PMS1: variants seen among roughly 807,000 people sequenced by gnomAD.
The protein encoded by PMS1 is PMS1 protein homolog 1.
In PMS1, 79 loss-of-function variants were observed where a neutral mutation model predicts 93.1. The observed-to-expected ratio is 0.85, with a 90% CI of 0.71 to 1.02. The LOEUF (loss-of-function observed/expected upper bound fraction) is 1.02, where lower values mean the gene tolerates loss of function less well. Ranked by LOEUF, PMS1 falls within the 50% of genes least tolerant of loss-of-function variation. The pLI is 0.00. For synonymous variants in PMS1, 335 were observed against 363.4 expected, an observed-to-expected ratio of 0.92 and a Z score of 0.89; for missense variants, 1,064 against 1,085.3, an observed-to-expected ratio of 0.98 and a Z score of 0.28.
intron 7 of PMS1, 109 bp downstream of exon 7, chr2:189,852,886 C>A (rs2106451873): frequency 1.3e-6 from 1 of 743,200 alleles, no homozygotes; most frequent in Non-Finnish European, 2.3e-6. Flanking sequence ...AATACAATGT[C>A]ATTTATTAAA....
intron 2 of PMS1, among the ~76,000 whole-genome samples, chr2:189,792,440 A>G (rs1360035497): frequency 3.3e-5 from 5 of 151,874 alleles, no homozygotes; most frequent in East Asian, 3.8e-4. Flanking sequence ...GATATGGTCT[A>G]TTTTATTCAT....
At chr2:189,827,875 T>C (rs1396880402) in intron 5 of PMS1, among the ~76,000 whole-genome samples, 1 of 152,052 alleles carries the variant, frequency 6.6e-6, no homozygotes, top group Non-Finnish European at 1.5e-5. Flanking sequence ...CTGGAGGGGT[T>C]GGTCCATGGG....
intron 9 of PMS1, among the ~76,000 whole-genome samples, chr2:189,856,398 T>C (rs1203321557): frequency 1.3e-5 from 2 of 152,120 alleles, no homozygotes; most frequent in African/African-American, 2.4e-5. Flanking sequence ...AAGATATTCA[T>C]ATTTTAAACA....
chr2:189,868,680 T>C (rs1249025559), intron 11 of PMS1, among the ~76,000 whole-genome samples: 1 of 152,034 alleles, frequency 6.6e-6, no homozygotes, highest in East Asian at 1.9e-4. Context: ...TCGACCAAAA[T>C]AGTGTTTGAA....
chr2:189,794,648 G>A (rs185194812), intron 2 of PMS1, among the ~76,000 whole-genome samples: 281 of 152,304 alleles, frequency 1.8e-3, no homozygotes, highest in African/African-American at 6.3e-3. Flanking sequence ...ACTTTGTGGA[G>A]TAAAGTCAGA....
chr2:189,852,511 CATG>C, intron 6 of PMS1, 141 bp from the exon 7 acceptor site: 1 of 707,298 alleles, frequency 1.4e-6, no homozygotes, highest in Non-Finnish European at 2.5e-6. Flanking sequence ...ATACTTAAGA[CATG>C]ATTATCAGGA....
intron 4 of PMS1, among the ~76,000 whole-genome samples, chr2:189,814,839 T>G (rs1317653225): frequency 6.6e-6 from 1 of 152,162 alleles, no homozygotes; most frequent in Non-Finnish European, 1.5e-5. Context: ...GGCTGACGCC[T>G]GTAATCCCAG....
intron 2 of PMS1, among the ~76,000 whole-genome samples, chr2:189,793,007 G>T (rs1167446683): frequency 6.6e-6 from 1 of 151,776 alleles, no homozygotes; most frequent in African/African-American, 2.4e-5. Context: ...ATGGGGTTTC[G>T]CCATGTCGGC....
At chr2:189,814,876 T>C (rs1394894861) in intron 4 of PMS1, among the ~76,000 whole-genome samples, 5 of 152,044 alleles carry the variant, frequency 3.3e-5, no homozygotes, top group African/African-American at 1.2e-4. Context: ...GGTGGGCAGA[T>C]CACGAGGTCA....
In PMS1 at chr2:189,873,662, C is replaced by T; in HGVS notation, c.2634+6C>T. 6.3e-7 allele frequency: 1 copy of T among 1,594,370 alleles called. No homozygotes were observed. The highest frequency in any genetic ancestry group is 1.3e-5 in the African/African-American group (1 of 74,578). On this transcript the variant is annotated splice_donor_region_variant and intron_variant, in intron 12 of 12. Coordinates refer to ENST00000441310, the MANE Select transcript of PMS1 (RefSeq NM_000534.5). ...AAGTGATAAGTTATTTAGAGGTACG[C>T]ATTATTTTATATATATGTTATTGTA...
At chr2:189,792,043 A>G (rs2048914764) in intron 2 of PMS1, 102 bp downstream of exon 2, 2 of 1,022,658 alleles carry the variant, frequency 2.0e-6, no homozygotes. Flanking sequence ...CTTTACACCA[A>G]TAAATTATTC....
At chr2:189,835,903 T>G (rs1310037993) in intron 5 of PMS1, among the ~76,000 whole-genome samples, 1 of 109,690 alleles carries the variant, frequency 9.1e-6, no homozygotes, top group African/African-American at 4.9e-5. Context: ...CTCTAGCCTG[T>G]CTCAAAAAAA....
intron 1 of PMS1, among the ~76,000 whole-genome samples, chr2:189,788,038 T>C (rs2048518401): frequency 6.6e-6 from 1 of 151,974 alleles, no homozygotes; most frequent in South Asian, 2.1e-4. Flanking sequence ...TGAGGAATAT[T>C]GGGATGCAAT....
Position 189,806,752 on chromosome 2 carries a change from C to T in PMS1, c.418+998C>T, listed in dbSNP as rs1575085996. 1.5e-5 allele frequency: 3 copies of T among 198,436 alleles called. No individual in the cohort carries two copies. The East Asian group carries it at 2.3e-4, about 16-fold the overall frequency. The allele number at this position is 198,436 out of a possible 1,614,324, so 12.3% of individuals were successfully genotyped here. On this transcript the variant is annotated intron_variant, in intron 4 of 12. Transcript: ENST00000441310. ...TTACTTATAAAGGTAAAAAAGATCT[C>T]TTTAGGCTTCAGTTTCACATATCTC...
chr2:189,864,657 GAAAAAAAAAAAAA>G (rs59807167), intron 10 of PMS1, among the ~76,000 whole-genome samples: 5 of 3,664 alleles, frequency 1.4e-3, no homozygotes, highest in South Asian at 0.021. Context: ...GTCTGTCTCA[GAAAAAAAAAAAAA>G]AAAAAAAAAA....
At chr2:189,836,003 T>C (rs1278439078) in intron 5 of PMS1, among the ~76,000 whole-genome samples, 1 of 152,136 alleles carries the variant, frequency 6.6e-6, no homozygotes, top group Non-Finnish European at 1.5e-5. Flanking sequence ...TGCCTACAAT[T>C]TGCAAGAATT....
At chr2:189,829,764 C>G (rs183883379) in intron 5 of PMS1, among the ~76,000 whole-genome samples, 10 of 152,290 alleles carry the variant, frequency 6.6e-5, no homozygotes, top group Admixed American at 5.9e-4. Context: ...GCTACTGATT[C>G]TCTCACACTC....
intron 2 of PMS1, among the ~76,000 whole-genome samples, chr2:189,792,979 T>G (rs1436569592): frequency 5.9e-5 from 9 of 151,918 alleles, no homozygotes; most frequent in Non-Finnish European, 1.0e-4. Flanking sequence ...CTGGCAAATT[T>G]TTGTATTTTT....
At chr2:189,835,496 A>G (rs576614270) in intron 5 of PMS1, among the ~76,000 whole-genome samples, 2 of 152,306 alleles carry the variant, frequency 1.3e-5, no homozygotes, top group South Asian at 4.1e-4. Flanking sequence ...AAATAAAACA[A>G]CCTTTTAAAT....
Sources: gnomAD v4.1 joint callset for allele counts (sites outside exome capture counted in the v4.1 genomes callset) on GRCh38, gnomAD v4.1.1 for gene constraint, MANE v1.5 for transcripts, NCBI Gene and HGNC (gene_info 2026-07-23, HGNC 2026-07-21) for gene names.